Variants in DNAH8 observed in about 807,000 individuals in gnomAD.
The protein encoded by DNAH8 is axonemal beta dynein heavy chain 8.
In DNAH8, 382 loss-of-function variants were observed where a neutral mutation model predicts 562.1. The ratio of observed to expected loss-of-function variants is 0.68; its 90% CI spans 0.63 to 0.74. DNAH8 has a LOEUF of 0.74. Ranked by LOEUF, DNAH8 falls within the 30% of genes least tolerant of loss-of-function variation. The probability of loss-of-function intolerance (pLI) is 0.00; values close to 1 mark genes in which losing one functional copy is unlikely to be tolerated. For missense variants in DNAH8, 5,203 were observed against 5,620.4 expected (o/e 0.93, Z 2.37); for synonymous variants, 1,881 against 1,919.4 (o/e 0.98, Z 0.52).
In DNAH8 at chr6:39,030,247, A is replaced by G. The variant is rs912050560; in HGVS notation, c.13979A>G (p.Lys4660Arg). The part of the protein sequence containing the change: ...HIFAINSTAP[K>R]DPKLYVCPIY... ...TTTGCCATTAACTCCACGGCACCCA[A>G]GGACCCCAAGCTGTATGTGTGTCCT... Residue 4660 changes from lysine (K) to arginine (R), a missense_variant, in exon 93 of 93, where the codon AAG becomes AGG. Lys to Arg is a conservative substitution (Grantham distance 26). Around this residue, in one of 6 missense-constraint regions of DNAH8, gnomAD observed 1,399 missense variants for 1,518.4 expected, o/e 0.92. Coordinates refer to ENST00000327475, the MANE Select transcript of DNAH8 (RefSeq NM_001206927.2). 5.0e-6 allele frequency: 8 copies of G among 1,614,192 alleles called. No homozygotes were observed. Among genetic ancestry groups the G allele is most frequent in the Non-Finnish European group, 6.8e-6 (8 of 1,180,028 alleles).
At chr6:38,756,506 TTG>T (rs1237456593) in intron 10 of DNAH8, among the ~76,000 whole-genome samples, 3 of 151,920 alleles carry the variant, frequency 2.0e-5, no homozygotes, top group Admixed American at 6.6e-5. Context: ...ATATTTAAAT[TTG>T]CTAGCCAATG....
At chr6:38,875,284 G>A (rs1022281687) in intron 52 of DNAH8, among the ~76,000 whole-genome samples, 1 of 152,076 alleles carries the variant, frequency 6.6e-6, no homozygotes, top group African/African-American at 2.4e-5. Context: ...TGCTTACATC[G>A]AGTCTAGGCC....
At chr6:38,834,549 T>G in intron 31 of DNAH8, 30 bp from the exon 32 acceptor site, 1 of 1,464,022 alleles carries the variant, frequency 6.8e-7, no homozygotes, top group Non-Finnish European at 9.3e-7. Context: ...TGATTAAGAA[T>G]GAAAATGGAG....
chr6:38,850,137 G>A, intron 37 of DNAH8, 114 bp from the exon 38 acceptor site: 1 of 962,594 alleles, frequency 1.0e-6, no homozygotes, highest in Non-Finnish European at 1.5e-6. Flanking sequence ...AAATTATGCA[G>A]CCTGAGACTA....
At chr6:38,787,006 A>G in intron 18 of DNAH8, 54 bp downstream of exon 18, 1 of 1,181,728 alleles carries the variant, frequency 8.5e-7, no homozygotes, top group Non-Finnish European at 1.2e-6. Flanking sequence ...TGGTAAAAAA[A>G]ATATGTATAT....
intron 32 of DNAH8, among the ~76,000 whole-genome samples, chr6:38,835,872 A>T (rs1029490948): frequency 6.7e-6 from 1 of 149,168 alleles, no homozygotes; most frequent in African/African-American, 2.4e-5. Flanking sequence ...TTTTTAAAAT[A>T]GTTGGTTTTT....
intron 89 of DNAH8, among the ~76,000 whole-genome samples, chr6:39,009,977 A>T (rs933786854): frequency 3.3e-5 from 5 of 152,158 alleles, no homozygotes; most frequent in Non-Finnish European, 1.5e-5. Context: ...GCCTTCAAAG[A>T]TTTTTAATAC....
chr6:38,786,281 T>C (rs1019973134), intron 17 of DNAH8, among the ~76,000 whole-genome samples: 5 of 152,236 alleles, frequency 3.3e-5, no homozygotes, highest in African/African-American at 9.6e-5. Flanking sequence ...AAATATTTCT[T>C]ACTGATTTTG....
At chr6:38,862,581 C>T (rs558520788) in intron 44 of DNAH8, 123 bp downstream of exon 44, 137 of 1,155,272 alleles carry the variant, frequency 1.2e-4, no homozygotes, top group East Asian at 2.1e-4. Flanking sequence ...TGGGTTGATC[C>T]GTATGATATT....
rs1774920702 is a variant in DNAH8 at position 38,842,742 on chromosome 6, T to A, written c.4684T>A (p.Ser1562Thr). ...AAAGAGAATTGATGATTTCAGTGAG[T>A]CATGTCCTCTACTGGAAATGATGAC... ...LKKRIDDFSESCPLLEMMTNK... is the reference protein window; with the variant it reads ...LKKRIDDFSETCPLLEMMTNK... Residue 1562 changes from serine (S) to threonine (T), a missense_variant, in exon 35 of 93, where the codon TCA (serine) becomes ACA (threonine). Coordinates refer to ENST00000327475, the MANE Select transcript of DNAH8 (RefSeq NM_001206927.2). 2 of 1,613,734 alleles carry A rather than the reference T, an allele frequency of 1.2e-6. No individual in the cohort carries two copies. Among genetic ancestry groups the A allele is most frequent in the Non-Finnish European group, 8.5e-7 (1 of 1,179,880 alleles).
At chr6:39,020,091 T>TAAGATAG (rs1335500285) in intron 91 of DNAH8, among the ~76,000 whole-genome samples, 4 of 152,136 alleles carry the variant, frequency 2.6e-5, no homozygotes, top group African/African-American at 9.7e-5. Flanking sequence ...GAAAAGATAG[T>TAAGATAG]TCAGGGCAGA....
intron 26 of DNAH8, among the ~76,000 whole-genome samples, chr6:38,821,983 T>C (rs1242883592): frequency 1.3e-5 from 2 of 152,220 alleles, no homozygotes; most frequent in African/African-American, 4.8e-5. Context: ...TTGGATTCTT[T>C]TATCTCTATT....
chr6:38,738,585 C>T (rs1286292006), intron 7 of DNAH8, among the ~76,000 whole-genome samples: 1 of 152,128 alleles, frequency 6.6e-6, no homozygotes, highest in African/African-American at 2.4e-5. Context: ...CTAGGAACCG[C>T]CCCCCAGATC....
At chr6:38,787,013 A>G (rs201188242) in intron 18 of DNAH8, 61 bp downstream of exon 18, 33 of 106,486 alleles carry the variant, frequency 3.1e-4, no homozygotes, top group South Asian at 5.4e-4. Flanking sequence ...AAAAATATGT[A>G]TATATATATA....
intron 6 of DNAH8, 44 bp from the exon 7 acceptor site, chr6:38,737,761 ATATT>A (rs1388681904): frequency 2.5e-6 from 2 of 809,594 alleles, no homozygotes; most frequent in Non-Finnish European, 3.3e-6. Context: ...TATATTTAAA[ATATT>A]TAATATATAA....
At chr6:39,010,040 G>T (rs1352931022) in intron 89 of DNAH8, among the ~76,000 whole-genome samples, 1 of 152,188 alleles carries the variant, frequency 6.6e-6, no homozygotes, top group Non-Finnish European at 1.5e-5. Flanking sequence ...CCACAGGACT[G>T]CTATTGCCAG....
intron 91 of DNAH8, among the ~76,000 whole-genome samples, chr6:39,014,255 C>A (rs1395433823): frequency 6.6e-6 from 1 of 152,092 alleles, no homozygotes; most frequent in Non-Finnish European, 1.5e-5. Context: ...CTATTTTTCT[C>A]CCAGAATTTC....
intron 91 of DNAH8, among the ~76,000 whole-genome samples, chr6:39,023,781 A>T (rs1767087882): frequency 6.6e-6 from 1 of 152,250 alleles, no homozygotes; most frequent in South Asian, 2.1e-4. Flanking sequence ...ACTTGAAAGG[A>T]CATGTATCTT....
At position 38,737,085 on chromosome 6, in the gene DNAH8, C is replaced by G. The variant is rs1350996814; in HGVS notation, c.781C>G (p.Leu261Val). ...TIQEEALFTV[L>V]DASKGLLNGI... is the part of the protein sequence containing the mutation. ...CTTTCAGGAAGCGCTCTTTACTGTT[C>G]TGGATGCGTCGAAAGGACTCTTAAA... Residue 261 changes from leucine to valine, a missense_variant, in exon 6 of 93, where the codon CTG (leucine) becomes GTG (valine). Transcript: ENST00000327475. 3.2e-6 allele frequency: 5 copies of G among 1,559,656 alleles called. No homozygotes were observed. Among genetic ancestry groups the G allele is most frequent in the African/African-American group, 2.8e-5 (2 of 71,808 alleles).
Sources: allele counts gnomAD v4.1 joint callset (sites outside exome capture counted in the v4.1 genomes callset), GRCh38; gene constraint gnomAD v4.1.1; regional missense constraint gnomAD v4.1.1; transcripts MANE v1.5; gene names NCBI Gene and HGNC (gene_info 2026-07-23, HGNC 2026-07-21).